Variants in BTNL8 observed in about 807,000 individuals in gnomAD.
BTNL8 encodes butyrophilin-like protein 8.
BTNL8 carries 22 observed loss-of-function variants against 36.1 expected under a neutral mutation model. The observed-to-expected ratio is 0.61, with a 90% CI of 0.44 to 0.87. The LOEUF is 0.87. BTNL8 is among the 40% of genes least tolerant of loss of function. BTNL8 has a pLI of 0.00. For missense variants in BTNL8, 526 were observed against 616.9 expected (o/e 0.85, Z 1.56); for synonymous variants, 203 against 235.6 (o/e 0.86, Z 1.27).
intron 1 of BTNL8, among the ~76,000 whole-genome samples, chr5:180,901,978 T>G (rs558349090): frequency 6.6e-6 from 1 of 152,304 alleles, no homozygotes; most frequent in Non-Finnish European, 1.5e-5. Context: ...CAAAAAAAAC[T>G]AAGGAAGTAC....
intron 2 of BTNL8, among the ~76,000 whole-genome samples, chr5:180,910,349 C>A (rs933637621): frequency 6.6e-6 from 1 of 152,186 alleles, no homozygotes; most frequent in African/African-American, 2.4e-5. Context: ...TGCCTTTCTT[C>A]GTCATCCTGG....
intron 3 of BTNL8, among the ~76,000 whole-genome samples, chr5:180,921,024 A>C (rs1282440169): frequency 6.6e-6 from 1 of 152,096 alleles, no homozygotes; most frequent in Non-Finnish European, 1.5e-5. Context: ...AAAAAATACA[A>C]ATAGAACTAT....
intron 3 of BTNL8, among the ~76,000 whole-genome samples, chr5:180,930,776 G>A (rs1013536591): frequency 6.6e-6 from 1 of 152,068 alleles, no homozygotes; most frequent in Non-Finnish European, 1.5e-5. Context: ...CCTCTTCAAG[G>A]AGAACTACAA....
intron 2 of BTNL8, chr5:180,909,450 A>C: frequency 2.8e-6 from 2 of 704,852 alleles, no homozygotes; most frequent in Non-Finnish European, 3.5e-6. Flanking sequence ...CACTTGTCCT[A>C]CAAATTTTTT....
intron 3 of BTNL8, among the ~76,000 whole-genome samples, chr5:180,926,245 C>T (rs144870872): frequency 2.9e-4 from 44 of 152,284 alleles, no homozygotes; most frequent in African/African-American, 1.1e-3. Flanking sequence ...CTCTCATAGC[C>T]AAGGGAAGAT....
Position 180,908,192 on chromosome 5 carries a change from G to A in BTNL8, c.50-394G>A, listed in dbSNP as rs549953049. Reference sequence around the variant, plus strand: ...TGTGGTCATAGGACCCTCTGAGCCAGGTGTGGGATATAATCTCGTGGTGCG... The same window carrying A: ...TGTGGTCATAGGACCCTCTGAGCCAAGTGTGGGATATAATCTCGTGGTGCG... On this transcript the variant is annotated intron_variant, in intron 1 of 7. Transcript: ENST00000340184. Among the ~76,000 whole-genome samples the A allele has an allele frequency of 2.0e-5, 3 of 152,338 alleles. No homozygotes were observed. In the South Asian group the frequency reaches 6.2e-4, roughly 32 times the overall value.
At chr5:180,947,732 C>T (rs372311297) in intron 4 of BTNL8, 107 bp downstream of exon 4, 5 of 1,614,196 alleles carry the variant, frequency 3.1e-6, no homozygotes, top group Non-Finnish European at 4.2e-6. Flanking sequence ...TAGTCCTAGC[C>T]TCCAGGGGCC....
At chr5:180,923,544 C>T (rs1480140394) in intron 3 of BTNL8, among the ~76,000 whole-genome samples, 1 of 151,876 alleles carries the variant, frequency 6.6e-6, no homozygotes, top group Non-Finnish European at 1.5e-5. Flanking sequence ...TTTAAAAATA[C>T]CCATAGCTAC....
At chr5:180,925,314 A>G (rs985056592) in intron 3 of BTNL8, among the ~76,000 whole-genome samples, 3 of 152,224 alleles carry the variant, frequency 2.0e-5, no homozygotes, top group African/African-American at 7.2e-5. Context: ...GATGTCATCA[A>G]TCAAATTCAA....
rs1759379911 is a variant in BTNL8, at chr5:180,948,391, G to A, written c.808+16G>A. On this transcript the variant is annotated intron_variant, in intron 5 of 7. Coordinates refer to ENST00000340184, the MANE Select transcript of BTNL8 (RefSeq NM_001040462.3). ...GCGGAACTGGGTAAGTATGTGTCATGTCCTGAGCCTCCCACACATGGTTCT... is the reference window on the plus strand; with the variant it reads ...GCGGAACTGGGTAAGTATGTGTCATATCCTGAGCCTCCCACACATGGTTCT... 1.3e-6 allele frequency: 2 copies of A among 1,494,728 alleles called. No individual in the cohort carries two copies. The highest frequency in any genetic ancestry group is 1.1e-5 in the South Asian group (1 of 90,392). The allele number at this position is 1,494,728 out of a possible 1,614,324, so 92.6% of individuals were successfully genotyped here. A position where few individuals can be genotyped will look rare whatever the true frequency, so the allele number is the denominator to read the frequency against.
intron 2 of BTNL8, chr5:180,909,567 C>T: frequency 1.0e-6 from 1 of 985,404 alleles, no homozygotes; most frequent in Non-Finnish European, 1.2e-6. Context: ...CTTCCATAGT[C>T]ACACCCTTCA....
intron 3 of BTNL8, among the ~76,000 whole-genome samples, chr5:180,930,424 A>G (rs1396348801): frequency 6.6e-6 from 1 of 152,080 alleles, no homozygotes; most frequent in Non-Finnish European, 1.5e-5. Context: ...CTCTTTCACC[A>G]CTCCTATTCA....
rs1008551613 is a variant in BTNL8, at chr5:180,907,355, C to A, written c.50-1231C>A. Among the ~76,000 whole-genome samples, 20 of 124,022 alleles carry A rather than the reference C, an allele frequency of 1.6e-4. 6 individuals carry two copies. Among genetic ancestry groups the A allele is most frequent in the African/African-American group, 8.0e-4 (20 of 25,010 alleles). 81.4% of individuals were successfully genotyped at this position (124,022 alleles called of 152,430 possible). On this transcript the variant is annotated intron_variant, in intron 1 of 7. Coordinates refer to ENST00000340184, the MANE Select transcript of BTNL8 (RefSeq NM_001040462.3). ...CTGCATTCTTCACGTAGTTCTTGAG[C>A]CTTGGTTTTCAGCTCCATCAGCTCC...
chr5:180,907,274 C>T (rs1466937788), intron 1 of BTNL8, among the ~76,000 whole-genome samples: 1 of 123,150 alleles, frequency 8.1e-6, no homozygotes, highest in Non-Finnish European at 1.6e-5. Flanking sequence ...TCATTCATTT[C>T]ATCTTCCATC....
chr5:180,902,365 G>C, intron 1 of BTNL8: 1 of 1,551,090 alleles, frequency 6.4e-7, no homozygotes, highest in Non-Finnish European at 8.7e-7. Context: ...AAGATCGAAT[G>C]AAGTAACTGA....
chr5:180,928,048 T>C (rs1484007190), intron 3 of BTNL8, among the ~76,000 whole-genome samples: 1 of 151,978 alleles, frequency 6.6e-6, no homozygotes, highest in African/African-American at 2.4e-5. Flanking sequence ...TCACCAAGGT[T>C]GAAATGAAAG....
intron 3 of BTNL8, among the ~76,000 whole-genome samples, chr5:180,924,573 C>T (rs1392646124): frequency 6.6e-6 from 1 of 152,174 alleles, no homozygotes; most frequent in East Asian, 1.9e-4. Flanking sequence ...AGTGGCCCAG[C>T]CCAACTAGAG....
Position 180,947,519 on chromosome 5 carries a change from T to C in BTNL8, c.681T>C (p.Phe227=). 1 of 1,613,372 alleles carries C rather than the reference T, an allele frequency of 6.2e-7. No homozygotes were observed. The highest frequency in any genetic ancestry group is 8.5e-7 in the Non-Finnish European group (1 of 1,179,298). The change falls in exon 4 of 8, where the codon TTT becomes TTC. Residue 227 remains phenylalanine, a synonymous_variant. Transcript: ENST00000340184. Reference sequence around the variant, plus strand: ...TGTGGGATTGTTTTTCAGATACCTTTTTCGAGCCTATATCGTGGCACCTGG... The same window carrying C: ...TGTGGGATTGTTTTTCAGATACCTTCTTCGAGCCTATATCGTGGCACCTGG... ...VESRVQIGDT[F]FEPISWHLAT... is the part of the protein sequence containing the mutation.
In BTNL8 at chr5:180,912,252, G is replaced by A. The variant is rs539364901; in HGVS notation, c.673+638G>A. ...GGTTCTCAGGTCTTCTGGTTTCAACGTAAATGAACCATTGGCTCTCCTGGG... is the reference window on the plus strand; with the variant it reads ...GGTTCTCAGGTCTTCTGGTTTCAACATAAATGAACCATTGGCTCTCCTGGG... On this transcript the variant is annotated intron_variant, in intron 3 of 7. Transcript: ENST00000340184. 9.1e-4 allele frequency among the ~76,000 whole-genome samples: 139 copies of A among 152,190 alleles called. 1 individual carries two copies. Among genetic ancestry groups the A allele is most frequent in the Middle Eastern group, 6.8e-3 (2 of 294 alleles).
Sources: gnomAD v4.1 joint callset for allele counts (sites outside exome capture counted in the v4.1 genomes callset) on GRCh38, gnomAD v4.1.1 for gene constraint, MANE v1.5 for transcripts, NCBI Gene and HGNC (gene_info 2026-07-23, HGNC 2026-07-21) for gene names.